DSCAM: variants seen among roughly 807,000 people sequenced by gnomAD.
The protein encoded by DSCAM is cell adhesion molecule DSCAM.
In DSCAM, 47 loss-of-function variants were observed where a neutral mutation model predicts 217.7. The observed-to-expected ratio is 0.22, with a 90% CI of 0.17 to 0.28. The LOEUF (loss-of-function observed/expected upper bound fraction) is 0.28. DSCAM is among the 10% of genes least tolerant of loss of function. The pLI, the probability that DSCAM is intolerant of heterozygous loss-of-function variation, is 1.00. For missense variants in DSCAM, 2,080 were observed against 2,618.3 expected, an observed-to-expected ratio of 0.79 and a Z score of 4.49; for synonymous variants, 1,056 against 1,015.3, an observed-to-expected ratio of 1.04 and a Z score of -0.76.
In DSCAM at chr21:40,369,385, C is replaced by CGTGTGTGTGTGTGT. The variant is rs35564463; in HGVS notation, c.509-154_509-141dup. ...GGCTAAAAATGGGTGCGTGCGTCTG[C>CGTGTGTGTGTGTGT]GTGTGTGTGTGTGTGTGTGTGTGTG... On this transcript the variant is annotated intron_variant, in intron 3 of 32. Coordinates refer to ENST00000400454, the MANE Select transcript of DSCAM (RefSeq NM_001389.5). 3.7e-4 allele frequency: 142 copies of CGTGTGTGTGTGTGT among 385,494 alleles called. 1 individual carries two copies. The highest frequency in any genetic ancestry group is 1.4e-3 in the Middle Eastern group (2 of 1,402). 23.9% of individuals were successfully genotyped at this position (385,494 alleles called of 1,614,324 possible).
At chr21:40,425,572 G>A (rs577392429) in intron 3 of DSCAM, among the ~76,000 whole-genome samples, 7 of 147,814 alleles carry the variant, frequency 4.7e-5, no homozygotes, top group East Asian at 4.0e-4. Flanking sequence ...TTAGCTGGGC[G>A]TGGTGGCGGG....
At chr21:40,578,199 A>C (rs190763365) in intron 3 of DSCAM, among the ~76,000 whole-genome samples, 1 of 152,298 alleles carries the variant, frequency 6.6e-6, no homozygotes, top group African/African-American at 2.4e-5. Flanking sequence ...GTATCTAGTT[A>C]AACCCTTCTG....
intron 1 of DSCAM, among the ~76,000 whole-genome samples, chr21:40,758,560 G>T (rs973890384): frequency 1.3e-4 from 20 of 151,348 alleles, no homozygotes; most frequent in Non-Finnish European, 2.4e-4. Flanking sequence ...ACAGAGGACA[G>T]GAGGTGTGGT....
At chr21:40,082,327 A>G (rs2089474094) in intron 24 of DSCAM, among the ~76,000 whole-genome samples, 1 of 152,162 alleles carries the variant, frequency 6.6e-6, no homozygotes, top group Admixed American at 6.5e-5. Context: ...GGACGTGGTG[A>G]CACGTGCCTG....
At chr21:40,526,413 G>A (rs2076400878) in intron 3 of DSCAM, among the ~76,000 whole-genome samples, 1 of 152,186 alleles carries the variant, frequency 6.6e-6, no homozygotes, top group Admixed American at 6.5e-5. Context: ...TATTCAGGGA[G>A]AAGGGGGTGA....
At chr21:40,734,280 A>G (rs546655898) in intron 1 of DSCAM, among the ~76,000 whole-genome samples, 1 of 152,284 alleles carries the variant, frequency 6.6e-6, no homozygotes, top group African/African-American at 2.4e-5. Context: ...CTACGGGGCT[A>G]CAAGAGGAGA....
intron 1 of DSCAM, among the ~76,000 whole-genome samples, chr21:40,712,427 C>A (rs1441092950): frequency 7.8e-6 from 1 of 128,228 alleles, no homozygotes; most frequent in Non-Finnish European, 1.5e-5. Flanking sequence ...TGCGCCACTG[C>A]AGTCCGCAGT....
At chr21:40,439,641 T>C (rs1049105675) in intron 3 of DSCAM, among the ~76,000 whole-genome samples, 2 of 151,992 alleles carry the variant, frequency 1.3e-5, no homozygotes, top group Admixed American at 1.3e-4. Context: ...GATAAAGACA[T>C]ACTCAAGACT....
chr21:40,769,046 G>A (rs2091421634), intron 1 of DSCAM, among the ~76,000 whole-genome samples: 1 of 152,158 alleles, frequency 6.6e-6, no homozygotes, highest in African/African-American at 2.4e-5. Flanking sequence ...AGGGCAGCTG[G>A]GGATGTCTGC....
In DSCAM at chr21:40,055,332, AG is replaced by A. The variant is rs369717651; in HGVS notation, c.5035+392del. 7.2e-5 allele frequency among the ~76,000 whole-genome samples: 11 copies of A among 152,288 alleles called. No homozygotes were observed. In the South Asian group the frequency reaches 2.1e-3, roughly 29 times the overall value. ...AAGGCTTGCATTATCAGAGTTGATGAGGGGGGCACGGAGTGGATTTTCAACC... is the reference window on the plus strand; with the variant it reads ...AAGGCTTGCATTATCAGAGTTGATGAGGGGGCACGGAGTGGATTTTCAACC... On this transcript the variant is annotated intron_variant, in intron 29 of 32. Transcript: ENST00000400454.
chr21:40,259,093 A>C (rs2073412418), intron 11 of DSCAM, among the ~76,000 whole-genome samples: 1 of 152,250 alleles, frequency 6.6e-6, no homozygotes, highest in Non-Finnish European at 1.5e-5. Flanking sequence ...TATATTGTCA[A>C]CTTAAAAAGC....
At chr21:40,816,460 T>C (rs1034041119) in intron 1 of DSCAM, among the ~76,000 whole-genome samples, 1 of 152,156 alleles carries the variant, frequency 6.6e-6, no homozygotes, top group African/African-American at 2.4e-5. Flanking sequence ...GCACCTGTAG[T>C]CCCACCTACT....
intron 10 of DSCAM, among the ~76,000 whole-genome samples, chr21:40,279,168 A>C (rs2073727020): frequency 6.6e-6 from 1 of 152,230 alleles, no homozygotes; most frequent in Non-Finnish European, 1.5e-5. Flanking sequence ...TTATCTCTTC[A>C]ATATGTTTTC....
chr21:40,577,173 A>G (rs910983148), intron 3 of DSCAM, among the ~76,000 whole-genome samples: 1 of 151,440 alleles, frequency 6.6e-6, no homozygotes, highest in African/African-American at 2.4e-5. Flanking sequence ...TATGTATTAT[A>G]TATTCATTCA....
intron 2 of DSCAM, among the ~76,000 whole-genome samples, chr21:40,694,176 G>C (rs1328706233): frequency 6.6e-6 from 1 of 152,192 alleles, no homozygotes; most frequent in South Asian, 2.1e-4. Context: ...AGATGTGCCA[G>C]CCTTACTTCT....
intron 11 of DSCAM, among the ~76,000 whole-genome samples, chr21:40,246,650 C>A (rs958022530): frequency 6.6e-6 from 1 of 152,092 alleles, no homozygotes; most frequent in Non-Finnish European, 1.5e-5. Context: ...AAGGTGAAGT[C>A]CATACTACTG....
At chr21:40,337,305 C>T (rs528904412) in intron 8 of DSCAM, among the ~76,000 whole-genome samples, 3 of 152,118 alleles carry the variant, frequency 2.0e-5, no homozygotes, top group African/African-American at 2.4e-5. Flanking sequence ...CCACAGGTTT[C>T]GGAAATAGTT....
At chr21:40,171,155 G>A (rs1471297382) in intron 15 of DSCAM, among the ~76,000 whole-genome samples, 1 of 152,156 alleles carries the variant, frequency 6.6e-6, no homozygotes, top group African/African-American at 2.4e-5. Flanking sequence ...TCGACTCACT[G>A]CAACCTCTAC....
At chr21:40,644,526 C>T (rs574114503) in intron 3 of DSCAM, among the ~76,000 whole-genome samples, 1 of 152,320 alleles carries the variant, frequency 6.6e-6, no homozygotes, top group East Asian at 1.9e-4. Flanking sequence ...CTCTGGTCCA[C>T]TGTGGGCCAA....
Sources: allele counts gnomAD v4.1 joint callset (sites outside exome capture counted in the v4.1 genomes callset), GRCh38; gene constraint gnomAD v4.1.1; transcripts MANE v1.5; gene names NCBI Gene and HGNC (gene_info 2026-07-23, HGNC 2026-07-21).